The following MYH13 variants were observed in gnomAD, a reference collection of about 807,000 sequenced individuals.
MYH13 encodes myosin-13.
Under a neutral mutation model 232.1 loss-of-function variants are expected in MYH13, and 177 were observed. The ratio of observed to expected loss-of-function variants is 0.76; its 90% confidence interval spans 0.67 to 0.86. MYH13 has a LOEUF of 0.86. Ranked by LOEUF, MYH13 falls within the 40% of genes least tolerant of loss-of-function variation. MYH13 has a pLI of 0.00. For synonymous variants in MYH13, 884 were observed against 923.5 expected (o/e 0.96, Z 0.78); for missense variants, 2,246 against 2,405.9 (o/e 0.93, Z 1.39).
intron 39 of MYH13, 66 bp downstream of exon 39, chr17:10,303,130 G>T: frequency 7.0e-7 from 1 of 1,424,336 alleles, no homozygotes; most frequent in Non-Finnish European, 9.8e-7. Context: ...CCAGGATGGC[G>T]GGGACACCCA....
At chr17:10,365,429 G>C (rs1299957451) in intron 2 of MYH13, among the ~76,000 whole-genome samples, 1 of 152,212 alleles carries the variant, frequency 6.6e-6, no homozygotes, top group Non-Finnish European at 1.5e-5. Context: ...TTGAGGGGTT[G>C]TTAAAGCACA....
chr17:10,362,604 A>C, intron 3 of MYH13, 101 bp from the exon 4 acceptor site: 1 of 1,461,114 alleles, frequency 6.8e-7, no homozygotes. Flanking sequence ...TGGAGGAATT[A>C]CCGCATTGTG....
intron 21 of MYH13, among the ~76,000 whole-genome samples, chr17:10,328,973 C>T (rs1907319134): frequency 6.6e-6 from 1 of 152,168 alleles, no homozygotes; most frequent in African/African-American, 2.4e-5. Flanking sequence ...CCACCACAAC[C>T]AGCCTGTATT....
chr17:10,366,381 G>GT (rs56798899), intron 2 of MYH13, among the ~76,000 whole-genome samples: 9,138 of 112,550 alleles, frequency 0.081, 772 homozygotes, highest in Middle Eastern at 0.15. Context: ...AAATAAATCT[G>GT]TTTTTTTTTT....
chr17:10,370,573 C>T (rs1407054117), intron 2 of MYH13, among the ~76,000 whole-genome samples: 2 of 152,114 alleles, frequency 1.3e-5, no homozygotes, highest in African/African-American at 2.4e-5. Flanking sequence ...CTTGTGAGGG[C>T]TCCTCTCTCT....
In MYH13 at chr17:10,364,490, G is replaced by T. The variant is rs1288667879; in HGVS notation, c.41C>A (p.Ala14Asp). Residue 14 changes from alanine to aspartate, a missense_variant, in exon 3 of 41, where the codon GCT (alanine) becomes GAT (aspartate). Physicochemically the swap from Ala to Asp is moderately radical, Grantham distance 126 (BLOSUM62 -2). Transcript: ENST00000252172. ...DAEMAIFGEA[A>D]PYLRKPEKER... Reference sequence around the variant, plus strand: ...CTTCTCTGGTTTCCGGAGGTAGGGAGCTGCTTCTCCAAAAATGGCCATTTC... The same window carrying T: ...CTTCTCTGGTTTCCGGAGGTAGGGATCTGCTTCTCCAAAAATGGCCATTTC... 1 of 1,608,882 alleles carries T rather than the reference G, an allele frequency of 6.2e-7. No homozygotes were observed. Among genetic ancestry groups the T allele is most frequent in the Non-Finnish European group, 8.5e-7 (1 of 1,177,410 alleles).
chr17:10,306,846 A>T lies in MYH13; in HGVS notation c.5295+93T>A. On this transcript the variant is annotated intron_variant, in intron 36 of 40. Coordinates refer to ENST00000252172, the MANE Select transcript of MYH13 (RefSeq NM_003802.3). This position sits in a 1 kb window ranked among gnomAD's most constrained non-coding sequence, Gnocchi z 4.3. ...AAGCCACCACTAACCGATTGTTGTC[A>T]TAAGAGATGAAACATACTTGCCACA... 1 of 1,590,818 alleles carries T rather than the reference A, an allele frequency of 6.3e-7. No individual in the cohort carries two copies. The highest frequency in any genetic ancestry group is 8.5e-7 in the Non-Finnish European group (1 of 1,173,414).
intron 15 of MYH13, among the ~76,000 whole-genome samples, 174 bp downstream of exon 15, chr17:10,345,028 T>G (rs1258484565): frequency 1.3e-5 from 2 of 152,072 alleles, no homozygotes; most frequent in Non-Finnish European, 2.9e-5. Flanking sequence ...CCTCTTTAAG[T>G]GTCAGAACAG....
rs758965976 is a variant in MYH13 at position 10,309,431 on chromosome 17, G to C, written c.4972C>G (p.Gln1658Glu). The C allele has an allele frequency of 1.9e-6, 3 of 1,602,680 alleles. No homozygotes were observed. The East Asian group carries it at 6.8e-5, about 36-fold the overall frequency. Reference sequence around the variant, plus strand: ...CTCAGGGCGTCATCGAGATGCAGCTGGGAGTCCTGCAGGGGAGACCCAGAG... The same window carrying C: ...CTCAGGGCGTCATCGAGATGCAGCTCGGAGTCCTGCAGGGGAGACCCAGAG... ...RTVQGQLKDSQLHLDDALRSN... is the reference protein window; with the variant it reads ...RTVQGQLKDSELHLDDALRSN... The change falls in exon 35 of 41, where the codon CAG becomes GAG. Residue 1658 changes from glutamine (Q) to glutamate (E), a missense_variant. Gln to Glu is a conservative substitution (Grantham distance 29). Transcript: ENST00000252172.
At chr17:10,345,055 C>G in intron 15 of MYH13, 147 bp downstream of exon 15, 1 of 1,273,664 alleles carries the variant, frequency 7.9e-7, no homozygotes, top group South Asian at 1.4e-5. Context: ...GACATTCATT[C>G]TCTTTGCAAA....
At chr17:10,367,770 T>C (rs1281573432) in intron 2 of MYH13, among the ~76,000 whole-genome samples, 1 of 152,238 alleles carries the variant, frequency 6.6e-6, no homozygotes, top group Non-Finnish European at 1.5e-5. Context: ...TGTTGGATTC[T>C]CATATCTGCT....
At chr17:10,365,403 A>G (rs1192017891) in intron 2 of MYH13, among the ~76,000 whole-genome samples, 1 of 152,214 alleles carries the variant, frequency 6.6e-6, no homozygotes, top group East Asian at 1.9e-4. Context: ...CCAAACTTTA[A>G]CATGCCAGAA....
At chr17:10,351,576 G>A (rs1328196378) in intron 11 of MYH13, among the ~76,000 whole-genome samples, 1 of 152,166 alleles carries the variant, frequency 6.6e-6, no homozygotes, top group Non-Finnish European at 1.5e-5. Context: ...AAATCCCCAT[G>A]AAGCCCCTTT....
chr17:10,339,842 A>G (rs1297729422), intron 18 of MYH13, among the ~76,000 whole-genome samples: 1 of 152,202 alleles, frequency 6.6e-6, no homozygotes, highest in Non-Finnish European at 1.5e-5. Flanking sequence ...TTTGGTTTTT[A>G]GCATTTTTGT....
At chr17:10,323,787 A>C (rs12936094) in intron 23 of MYH13, among the ~76,000 whole-genome samples, 1 of 66,742 alleles carries the variant, frequency 1.5e-5, no homozygotes, top group East Asian at 4.2e-4. Context: ...AAAAAAAAAA[A>C]AAGAAGAAGA....
intron 13 of MYH13, 95 bp downstream of exon 13, chr17:10,346,585 T>G: frequency 1.1e-6 from 1 of 924,564 alleles, no homozygotes; most frequent in South Asian, 1.7e-5. Context: ...GCTGATTTCA[T>G]GTGCATTTCT....
rs1359077021 is a variant in MYH13 at position 10,320,471 on chromosome 17, T to G, written c.3137A>C (p.Lys1046Thr). Residue 1046 changes from lysine (K) to threonine (T), a missense_variant, in exon 25 of 41, where the codon AAG becomes ACG. Coordinates refer to ENST00000252172, the MANE Select transcript of MYH13 (RefSeq NM_003802.3). ...DDLEGSLEQE[K>T]KLRADLERAK... ...CCTTTCCAAGTCCGCCCGCAGTTTC[T>G]TCTCCTGCTCTAAGGAACCCTCAAG... The G allele has an allele frequency of 1.2e-6, 2 of 1,613,408 alleles. No homozygotes were observed. The highest frequency in any genetic ancestry group is 8.5e-7 in the Non-Finnish European group (1 of 1,179,718).
intron 13 of MYH13, 34 bp downstream of exon 13, chr17:10,346,646 T>A: frequency 6.6e-7 from 1 of 1,525,084 alleles, no homozygotes; most frequent in African/African-American, 1.4e-5. Flanking sequence ...TAGCAAAAGA[T>A]CTCAATCAAC....
intron 35 of MYH13, 72 bp from the exon 36 acceptor site, chr17:10,307,136 T>C (rs552123930): frequency 5.1e-6 from 8 of 1,570,112 alleles, no homozygotes; most frequent in Non-Finnish European, 6.9e-6. Context: ...GAGGGTTGGC[T>C]GGGGAGGGAA....
Sources: allele counts gnomAD v4.1 joint callset (sites outside exome capture counted in the v4.1 genomes callset), GRCh38; gene constraint gnomAD v4.1.1; non-coding constraint Gnocchi (gnomAD v3.1); transcripts MANE v1.5; gene names NCBI Gene and HGNC (gene_info 2026-07-23, HGNC 2026-07-21).